The following FRMD4A variants were observed in gnomAD, a reference collection of about 807,000 sequenced individuals.
FRMD4A encodes FERM domain-containing protein 4A.
A neutral mutation model predicts 129.1 loss-of-function variants in FRMD4A; 29 were observed. The observed-to-expected ratio is 0.22, with a 90% confidence interval of 0.17 to 0.31. The LOEUF (loss-of-function observed/expected upper bound fraction) is 0.31, where lower values mean the gene tolerates loss of function less well. Ranked by LOEUF, FRMD4A falls within the 10% of genes least tolerant of loss-of-function variation. FRMD4A has a pLI of 1.00. For synonymous variants in FRMD4A, 634 were observed against 571.6 expected, an observed-to-expected ratio of 1.11 and a Z score of -1.56; for missense variants, 1,272 against 1,375.8, an observed-to-expected ratio of 0.92 and a Z score of 1.19.
chr10:14,146,810 C>G (rs186820881), intron 2 of FRMD4A, among the ~76,000 whole-genome samples: 13 of 152,294 alleles, frequency 8.5e-5, no homozygotes, highest in Admixed American at 7.2e-4. Context: ...GCACACAGCA[C>G]TCACCAGGCA....
chr10:14,035,450 A>G (rs557459421), intron 2 of FRMD4A, among the ~76,000 whole-genome samples: 14 of 152,200 alleles, frequency 9.2e-5, no homozygotes, highest in Admixed American at 2.0e-4. Context: ...AAAGAAGAAA[A>G]AAATGAAACA....
chr10:14,034,950 C>T (rs963160047), intron 2 of FRMD4A, among the ~76,000 whole-genome samples: 1 of 152,178 alleles, frequency 6.6e-6, no homozygotes, highest in Non-Finnish European at 1.5e-5. Flanking sequence ...GACTTGAGGA[C>T]CTCAGTCTCC....
intron 6 of FRMD4A, among the ~76,000 whole-genome samples, chr10:13,779,572 C>T (rs944684598): frequency 3.3e-5 from 5 of 152,198 alleles, no homozygotes; most frequent in African/African-American, 1.2e-4. Context: ...AGAGGTAGAA[C>T]TTAAGCTGTG....
At chr10:13,700,044 C>G (rs1170797738) in intron 14 of FRMD4A, among the ~76,000 whole-genome samples, 1 of 152,108 alleles carries the variant, frequency 6.6e-6, no homozygotes, top group Admixed American at 6.6e-5. Flanking sequence ...CTGCGGGGGA[C>G]AGACCCCAAT....
chr10:14,089,029 G>T (rs1433235242), intron 2 of FRMD4A, among the ~76,000 whole-genome samples: 1 of 152,130 alleles, frequency 6.6e-6, no homozygotes, highest in South Asian at 2.1e-4. Context: ...GAAGATAAGC[G>T]CAGGGGTGGG....
chr10:13,775,488 G>T (rs937101142), intron 6 of FRMD4A, among the ~76,000 whole-genome samples: 2 of 152,082 alleles, frequency 1.3e-5, no homozygotes, highest in Non-Finnish European at 2.9e-5. Context: ...CTAGAATAAA[G>T]ACTTTTTCAG....
chr10:13,707,257 GAC>G (rs377738435), intron 12 of FRMD4A, 144 bp from the exon 13 acceptor site: 7,342 of 684,688 alleles, frequency 0.011, no homozygotes, highest in South Asian at 0.015. Context: ...CCTCTTGCTT[GAC>G]ACACACACAC....
At chr10:13,794,000 G>C (rs1209899898) in intron 5 of FRMD4A, among the ~76,000 whole-genome samples, 2 of 152,088 alleles carry the variant, frequency 1.3e-5, no homozygotes, top group Non-Finnish European at 2.9e-5. Context: ...TGGGACCCTG[G>C]TGATGAGCCC....
chr10:13,991,992 G>C (rs7904035), intron 2 of FRMD4A: 43,618 of 152,136 alleles, frequency 0.29, 7,407 homozygotes, highest in East Asian at 0.73. Context: ...AAGGTAAAAA[G>C]GTAAGTACAT....
rs1554981001 is a variant in FRMD4A, at chr10:13,943,675, A to AAG, written c.46-84764_46-84763insCT. Among the ~76,000 whole-genome samples, 369 of 122,390 alleles carry AAG rather than the reference A, an allele frequency of 3.0e-3. 3 individuals carry two copies. Among genetic ancestry groups the AAG allele is most frequent in the Middle Eastern group, 4.7e-3 (1 of 214 alleles). The allele number at this position is 122,390 out of a possible 152,430, so 80.3% of individuals were successfully genotyped here. ...AAAAAAAAAAAAAAAAAAAAAAAAA[A>AAG]AAAAGAAAAAGAAAAGAAAGAAAGA... On this transcript the variant is annotated intron_variant, in intron 2 of 24. Transcript: ENST00000357447.
intron 2 of FRMD4A, among the ~76,000 whole-genome samples, chr10:14,043,866 G>A (rs934985511): frequency 3.3e-5 from 5 of 151,920 alleles, no homozygotes; most frequent in African/African-American, 9.7e-5. Context: ...TTGCCCTCTC[G>A]CCCAGACTGC....
chr10:13,813,042 A>T (rs2093475791), intron 3 of FRMD4A, among the ~76,000 whole-genome samples: 1 of 152,256 alleles, frequency 6.6e-6, no homozygotes, highest in Admixed American at 6.5e-5. Context: ...TGTGTTTGCC[A>T]TGGGCTGTGG....
chr10:13,941,458 T>C (rs1385057884), intron 2 of FRMD4A, among the ~76,000 whole-genome samples: 1 of 152,194 alleles, frequency 6.6e-6, no homozygotes, highest in Admixed American at 6.5e-5. Flanking sequence ...ATACAGTGTG[T>C]ATGCAAAGCC....
Position 13,645,557 on chromosome 10 carries a change from CATT to C in FRMD4A, c.*1478_*1480del, listed in dbSNP as rs1395690597. 6.6e-6 allele frequency: 1 copy of C among 152,622 alleles called. No homozygotes were observed. The highest frequency in any genetic ancestry group is 1.5e-5 in the Non-Finnish European group (1 of 68,036). 9.5% of individuals were successfully genotyped at this position (152,622 alleles called of 1,614,324 possible). Reference sequence around the variant, plus strand: ...AACATGTAAACGTGCAGCTCCCACACATTAATTTTTTTCTTCTTTCCTCCTCTT... The same window carrying C: ...AACATGTAAACGTGCAGCTCCCACACAATTTTTTTCTTCTTTCCTCCTCTT... On this transcript the variant is annotated 3_prime_UTR_variant, in exon 25 of 25. Transcript: ENST00000357447.
At chr10:13,665,279 T>G (rs2082935293) in intron 18 of FRMD4A, among the ~76,000 whole-genome samples, 1 of 152,020 alleles carries the variant, frequency 6.6e-6, no homozygotes, top group African/African-American at 2.4e-5. Flanking sequence ...TTTTCATGTT[T>G]CCAGACTGAA....
intron 2 of FRMD4A, among the ~76,000 whole-genome samples, chr10:13,943,028 A>G (rs1424786794): frequency 3.3e-5 from 5 of 152,186 alleles, no homozygotes; most frequent in African/African-American, 1.2e-4. Context: ...ATATCTGATC[A>G]TAGAAAGGGG....
intron 3 of FRMD4A, among the ~76,000 whole-genome samples, chr10:13,836,789 GCT>G (rs2093882164): frequency 8.0e-6 from 1 of 125,132 alleles, no homozygotes; most frequent in Admixed American, 1.0e-4. Context: ...ACGGAGTCTC[GCT>G]CTGTCGCCAA....
At position 13,988,967 on chromosome 10, in the gene FRMD4A, C is replaced by G. The variant is rs529393056; in HGVS notation, c.46-130055G>C. On this transcript the variant is annotated intron_variant, in intron 2 of 24. Coordinates refer to ENST00000357447, the MANE Select transcript of FRMD4A (RefSeq NM_018027.5). ...ACTGCATCTGCATTTAGTAAAACCC[C>G]CAGATGATTCCATTATAAACTGACG... 4.6e-5 allele frequency among the ~76,000 whole-genome samples: 7 copies of G among 152,306 alleles called. No individual in the cohort carries two copies. The East Asian group carries it at 1.3e-3, about 29-fold the overall frequency.
chr10:14,126,402 C>T (rs1838844137), intron 2 of FRMD4A, among the ~76,000 whole-genome samples: 1 of 152,232 alleles, frequency 6.6e-6, no homozygotes, highest in African/African-American at 2.4e-5. Flanking sequence ...ATCTCTTGAC[C>T]TTGTGATCCA....
Sources: gnomAD v4.1 joint callset for allele counts (sites outside exome capture counted in the v4.1 genomes callset) on GRCh38, gnomAD v4.1.1 for gene constraint, MANE v1.5 for transcripts, NCBI Gene and HGNC (gene_info 2026-07-23, HGNC 2026-07-21) for gene names.